The following RUBCN variants were observed in gnomAD, a reference collection of about 807,000 sequenced individuals.
RUBCN encodes the protein run domain Beclin-1-interacting and cysteine-rich domain-containing protein.
RUBCN carries 74 observed loss-of-function variants against 113.2 expected under a neutral mutation model. The observed-to-expected ratio is 0.65, with a 90% CI of 0.54 to 0.79. The LOEUF is 0.79. Ranked by LOEUF, RUBCN falls within the 30% of genes least tolerant of loss-of-function variation. RUBCN has a pLI of 0.00. For synonymous variants in RUBCN, 480 were observed against 490.0 expected, an observed-to-expected ratio of 0.98 and a Z score of 0.27; for missense variants, 1,109 against 1,251.7, an observed-to-expected ratio of 0.89 and a Z score of 1.72.
chr3:197,695,747 C>A, intron 9 of RUBCN, 119 bp downstream of exon 9: 1 of 905,836 alleles, frequency 1.1e-6, no homozygotes, highest in Non-Finnish European at 1.8e-6. Flanking sequence ...CTTCCCTTTA[C>A]CGTGAACTTA....
chr3:197,727,856 T>G (rs557062253), intron 1 of RUBCN, among the ~76,000 whole-genome samples: 3 of 152,372 alleles, frequency 2.0e-5, no homozygotes, highest in Non-Finnish European at 4.4e-5. Flanking sequence ...GGTAGCAGAA[T>G]GCTTTACAAA....
chr3:197,703,601 C>A lies in RUBCN; in HGVS notation c.517G>T (p.Glu173Ter). The A allele has an allele frequency of 6.2e-7, 1 of 1,613,906 alleles. No individual in the cohort carries two copies. Among genetic ancestry groups the A allele is most frequent in the Non-Finnish European group, 8.5e-7 (1 of 1,179,946 alleles). The change falls in exon 5 of 20, where the codon GAA becomes TAA. Residue 173 changes from glutamate (E) to a stop codon, truncating the protein, a stop_gained. Coordinates refer to ENST00000296343, the MANE Select transcript of RUBCN (RefSeq NM_014687.4). LOFTEE classifies it high-confidence loss of function. ...AHVTAMLQCL[E>*]AVEQNNPRLL... ...CGGGGGTTGTTCTGTTCCACTGCTT[C>A]CAGGCACTGCAGCATGGCCGTGACA...
Position 197,736,778 on chromosome 3 carries a change from A to T in RUBCN, c.-59T>A. On this transcript the variant is annotated 5_prime_UTR_variant, in exon 1 of 20. Coordinates refer to ENST00000296343, the MANE Select transcript of RUBCN (RefSeq NM_014687.4). ...AGGCGTCCCTGCCGCTTCGCCCTTCAGGGCTCCCGGGGCCCCCTGGGGCCG... is the reference window on the plus strand; with the variant it reads ...AGGCGTCCCTGCCGCTTCGCCCTTCTGGGCTCCCGGGGCCCCCTGGGGCCG... 3.3e-6 allele frequency: 5 copies of T among 1,511,094 alleles called. No homozygotes were observed. The highest frequency in any genetic ancestry group is 4.4e-6 in the Non-Finnish European group (5 of 1,136,420). The allele number at this position is 1,511,094 out of a possible 1,614,324, so 93.6% of individuals were successfully genotyped here.
At chr3:197,744,945 CTT>C (rs1316432954) in intron 1 of RUBCN, among the ~76,000 whole-genome samples, 2 of 152,116 alleles carry the variant, frequency 1.3e-5, no homozygotes, top group Non-Finnish European at 2.9e-5. Flanking sequence ...AAACTGCATA[CTT>C]TCAGTATGTG....
At chr3:197,684,033 C>G in intron 12 of RUBCN, 124 bp downstream of exon 12, 2 of 763,074 alleles carry the variant, frequency 2.6e-6, no homozygotes, top group Admixed American at 4.2e-5. Flanking sequence ...GCAAGCCCCT[C>G]CCTTTAACCT....
chr3:197,674,908 TAAAAAAAAAAA>T lies in RUBCN; in HGVS notation c.*99_*109del. The T allele has an allele frequency of 1.6e-6, 1 of 625,652 alleles. No individual in the cohort carries two copies. The highest frequency in any genetic ancestry group is 2.5e-6 in the Non-Finnish European group (1 of 406,768). The allele number at this position is 625,652 out of a possible 1,614,324, so 38.8% of individuals were successfully genotyped here. A position where few individuals can be genotyped will look rare whatever the true frequency, so the allele number is the denominator to read the frequency against. ...AAAAAAAAAAAAAGATGATGATAAT[TAAAAAAAAAAA>T]AAAAAAAAGAAGCCCCAGGTGGGGC... On this transcript the variant is annotated 3_prime_UTR_variant, in exon 20 of 20. Coordinates refer to ENST00000296343, the MANE Select transcript of RUBCN (RefSeq NM_014687.4).
At chr3:197,701,933 G>A (rs988114660) in intron 5 of RUBCN, 69 bp from the exon 6 acceptor site, 84 of 1,407,702 alleles carry the variant, frequency 6.0e-5, no homozygotes, top group East Asian at 5.4e-4. Context: ...TGGGGGCAAC[G>A]CAGTACTGCA....
At chr3:197,703,383 G>A (rs537526911) in intron 5 of RUBCN, among the ~76,000 whole-genome samples, 165 bp downstream of exon 5, 36 of 110,924 alleles carry the variant, frequency 3.2e-4, no homozygotes, top group Admixed American at 1.0e-3. Flanking sequence ...GGGAAACAGA[G>A]CGAGACTCTG....
At chr3:197,737,911 CG>C (rs1440917389), upstream of RUBCN, among the ~76,000 whole-genome samples, 1 of 152,100 alleles carries the variant, frequency 6.6e-6, no homozygotes, top group Non-Finnish European at 1.5e-5. Context: ...TTTTCAAAGA[CG>C]GGGTCTCTCT....
exon 1 of RUBCN, chr3:197,749,423 C>T: frequency 8.2e-7 from 1 of 1,221,438 alleles, no homozygotes; most frequent in Non-Finnish European, 1.1e-6. Flanking sequence ...GTTTGCTTTG[C>T]GTTCAGATGC....
intron 5 of RUBCN, among the ~76,000 whole-genome samples, chr3:197,703,181 G>A (rs1328943130): frequency 2.0e-5 from 3 of 151,718 alleles, no homozygotes; most frequent in Non-Finnish European, 2.9e-5. Context: ...GGAGGATCAC[G>A]AGGTCAGGAG....
chr3:197,670,424 C>A lies in RUBCN; in HGVS notation c.*4594G>T, dbSNP rs967982662. Among the ~76,000 whole-genome samples the A allele has an allele frequency of 6.6e-6, 1 of 152,092 alleles. No individual in the cohort carries two copies. The highest frequency in any genetic ancestry group is 1.9e-4 in the East Asian group (1 of 5,202). On this transcript the variant is annotated 3_prime_UTR_variant, in exon 20 of 20. Coordinates refer to ENST00000296343, the MANE Select transcript of RUBCN (RefSeq NM_014687.4). Reference sequence around the variant, plus strand: ...TGGGCTGCCATTGTGAATCAATGGTCCTTGTTTTCCTCTTCAACAGTCTTT... The same window carrying A: ...TGGGCTGCCATTGTGAATCAATGGTACTTGTTTTCCTCTTCAACAGTCTTT...
rs773065226 is a variant in RUBCN, at chr3:197,704,582, G to A, written c.423C>T (p.Pro141=). 93 of 1,614,180 alleles carry A rather than the reference G, an allele frequency of 5.8e-5. 4 individuals are homozygous for A. In the South Asian group the frequency reaches 1.0e-3, roughly 17 times the overall value. ...QYHCLSAQLR[P]LLGDRQYIRK... Reference sequence around the variant, plus strand: ...TGATATACTGTCTATCCCCGAGCAGGGGCCGGAGCTGGGCTGAGAGGCAGT... The same window carrying A: ...TGATATACTGTCTATCCCCGAGCAGAGGCCGGAGCTGGGCTGAGAGGCAGT... Residue 141 remains proline, a synonymous_variant, in exon 4 of 20, where the codon CCC becomes CCT. Transcript: ENST00000296343.
chr3:197,698,092 G>A (rs1364513170), intron 7 of RUBCN, among the ~76,000 whole-genome samples: 3 of 152,154 alleles, frequency 2.0e-5, no homozygotes, highest in Admixed American at 6.5e-5. Flanking sequence ...ACTCCAACAC[G>A]ACCTTAACCT....
At position 197,683,419 on chromosome 3, in the gene RUBCN, G is replaced by A. The variant is rs1394150229; in HGVS notation, c.1868C>T (p.Ser623Phe). Residue 623 changes from serine to phenylalanine, a missense_variant, in exon 13 of 20, where the codon TCC becomes TTC. Ser to Phe is a radical substitution (Grantham distance 155). This residue lies in a region of RUBCN where 67 missense variants were observed against 123.2 expected (regional missense o/e 0.54). Coordinates refer to ENST00000296343, the MANE Select transcript of RUBCN (RefSeq NM_014687.4). This position sits in a 1 kb window ranked among gnomAD's most constrained non-coding sequence, Gnocchi z 4.6. ...CATGGCCACCGCCTCAGCAGACGTG[G>A]AGTGCAGGAAGCAGTGGGAGCTGGA... Reference protein sequence around the residue: ...SQSFSHCFLHSTSAEAVAMGL... With the variant: ...SQSFSHCFLHFTSAEAVAMGL... 1 of 1,614,184 alleles carries A rather than the reference G, an allele frequency of 6.2e-7. No individual in the cohort carries two copies. The highest frequency in any genetic ancestry group is 1.7e-5 in the Admixed American group (1 of 60,026).
chr3:197,681,751 G>T lies in RUBCN; in HGVS notation c.2191+84C>A. On this transcript the variant is annotated intron_variant, in intron 15 of 19. Coordinates refer to ENST00000296343, the MANE Select transcript of RUBCN (RefSeq NM_014687.4). This position sits in a 1 kb window ranked among gnomAD's most constrained non-coding sequence, Gnocchi z 5.5. Reference sequence around the variant, plus strand: ...TTCTGCCACGCCACCTCCTGCTACCGCCTTTGACACGCCACCTCTCCCTAC... The same window carrying T: ...TTCTGCCACGCCACCTCCTGCTACCTCCTTTGACACGCCACCTCTCCCTAC... 1 of 1,247,570 alleles carries T rather than the reference G, an allele frequency of 8.0e-7. No homozygotes were observed. The highest frequency in any genetic ancestry group is 1.2e-6 in the Non-Finnish European group (1 of 846,430). 77.3% of individuals were successfully genotyped at this position (1,247,570 alleles called of 1,614,324 possible).
intron 1 of RUBCN, among the ~76,000 whole-genome samples, chr3:197,718,715 A>G (rs1208512329): frequency 1.3e-5 from 2 of 152,234 alleles, no homozygotes; most frequent in Non-Finnish European, 2.9e-5. Flanking sequence ...CTGGGATTAC[A>G]GATGTAATCC....
upstream of RUBCN, among the ~76,000 whole-genome samples, chr3:197,739,496 A>C (rs1414786155): frequency 6.6e-6 from 1 of 150,530 alleles, no homozygotes; most frequent in Non-Finnish European, 1.5e-5. Context: ...GATGGAGACT[A>C]TCCTGGCTGA....
intron 11 of RUBCN, among the ~76,000 whole-genome samples, chr3:197,684,418 A>G (rs1035195443): frequency 6.6e-6 from 1 of 152,172 alleles, no homozygotes; most frequent in Non-Finnish European, 1.5e-5. Context: ...CTGAATTAGT[A>G]ACATTATGCA....
Sources: allele counts gnomAD v4.1 joint callset (sites outside exome capture counted in the v4.1 genomes callset), GRCh38; gene constraint gnomAD v4.1.1; regional missense constraint gnomAD v4.1.1; non-coding constraint Gnocchi (gnomAD v3.1); transcripts MANE v1.5; gene names NCBI Gene and HGNC (gene_info 2026-07-23, HGNC 2026-07-21).